CDK14: variants seen among roughly 807,000 people sequenced by gnomAD.
The protein encoded by CDK14 is cyclin-dependent kinase 14.
A neutral mutation model predicts 60.7 loss-of-function variants in CDK14; 34 were observed. The ratio of observed to expected loss-of-function variants is 0.56; its 90% CI spans 0.43 to 0.75. CDK14 has a LOEUF of 0.75. Ranked by LOEUF, CDK14 falls within the 30% of genes least tolerant of loss-of-function variation. The pLI, the probability that CDK14 is intolerant of heterozygous loss-of-function variation, is 0.00. For missense variants in CDK14, 482 were observed against 564.1 expected (o/e 0.85, Z 1.47); for synonymous variants, 197 against 203.7 (o/e 0.97, Z 0.28).
At chr7:90,985,673 G>A (rs1046085246) in intron 10 of CDK14, among the ~76,000 whole-genome samples, 1 of 152,094 alleles carries the variant, frequency 6.6e-6, no homozygotes, top group Non-Finnish European at 1.5e-5. Context: ...CAATAAAATG[G>A]TAAGAAAAGA....
At position 91,078,720 on chromosome 7, in the gene CDK14, A is replaced by G. The variant is rs370109810; in HGVS notation, c.1106-712A>G. On this transcript the variant is annotated intron_variant, in intron 11 of 14. Transcript: ENST00000380050. ...ATTGTAAAATCCGTTCAAAAAATCA[A>G]TGGTATATATGTTCGTACATAAGGA... Among the ~76,000 whole-genome samples the G allele has an allele frequency of 1.1e-4, 16 of 152,348 alleles. 1 individual carries two copies. The highest frequency in any genetic ancestry group is 3.4e-3 in the Middle Eastern group (1 of 294).
chr7:90,762,775 C>T lies in CDK14; in HGVS notation c.464+15000C>T, dbSNP rs574092767. ...CTGAGGCGGGCAGATTACTTGAGAT[C>T]AGGAGTTTGAGACCAGCCTGGGCAA... On this transcript the variant is annotated intron_variant, in intron 4 of 14. Coordinates refer to ENST00000380050, the MANE Select transcript of CDK14 (RefSeq NM_001287135.2). Among the ~76,000 whole-genome samples, 25 of 152,256 alleles carry T rather than the reference C, an allele frequency of 1.6e-4. 1 individual carries two copies. In the East Asian group the frequency reaches 3.9e-3, roughly 24 times the overall value.
intron 2 of CDK14, among the ~76,000 whole-genome samples, chr7:90,613,835 C>T (rs946039461): frequency 1.3e-5 from 2 of 152,164 alleles, no homozygotes; most frequent in East Asian, 3.9e-4. Context: ...GAATTTGAGT[C>T]ATCAATTTAG....
intron 12 of CDK14, among the ~76,000 whole-genome samples, chr7:91,095,299 T>C (rs887503194): frequency 6.6e-6 from 1 of 152,186 alleles, no homozygotes; most frequent in African/African-American, 2.4e-5. Context: ...TGTTGAAGAA[T>C]GAAAGTGCTT....
chr7:90,700,240 T>C (rs1801752678), intron 2 of CDK14, among the ~76,000 whole-genome samples: 1 of 152,126 alleles, frequency 6.6e-6, no homozygotes, highest in African/African-American at 2.4e-5. Context: ...ATTTTAGGCA[T>C]GCACCACCAT....
At chr7:91,110,516 A>T (rs1246342712) in intron 12 of CDK14, among the ~76,000 whole-genome samples, 1 of 152,152 alleles carries the variant, frequency 6.6e-6, no homozygotes, top group Non-Finnish European at 1.5e-5. Context: ...TTTTCAATAG[A>T]TGAGAAAACC....
At chr7:91,166,139 G>A (rs1006494949) in intron 14 of CDK14, among the ~76,000 whole-genome samples, 1 of 152,194 alleles carries the variant, frequency 6.6e-6, no homozygotes, top group African/African-American at 2.4e-5. Flanking sequence ...ACACCCTTAT[G>A]TGTAGAAGGT....
intron 3 of CDK14, among the ~76,000 whole-genome samples, chr7:90,737,727 G>A (rs563124320): frequency 1.3e-5 from 2 of 152,294 alleles, no homozygotes; most frequent in East Asian, 3.9e-4. Context: ...GCCCAGTCAG[G>A]TTTGACTTTA....
At chr7:90,794,796 A>G (rs911148905) in intron 5 of CDK14, among the ~76,000 whole-genome samples, 4 of 152,348 alleles carry the variant, frequency 2.6e-5, no homozygotes, top group Middle Eastern at 6.8e-3. Context: ...AAAGACAGGC[A>G]TAGGAAATCA....
intron 5 of CDK14, among the ~76,000 whole-genome samples, chr7:90,857,712 A>C (rs898587166): frequency 3.9e-5 from 6 of 152,200 alleles, no homozygotes; most frequent in Admixed American, 1.3e-4. Context: ...TGTCTTGATG[A>C]GGGAGACACA....
chr7:90,705,987 C>G (rs1223123434), intron 2 of CDK14, among the ~76,000 whole-genome samples: 1 of 151,990 alleles, frequency 6.6e-6, no homozygotes, highest in Non-Finnish European at 1.5e-5. Context: ...TTAAAAAAGT[C>G]TCATATAAAG....
At chr7:90,877,097 T>C (rs1791587274) in intron 6 of CDK14, among the ~76,000 whole-genome samples, 1 of 152,194 alleles carries the variant, frequency 6.6e-6, no homozygotes, top group Non-Finnish European at 1.5e-5. Context: ...GACACATGTA[T>C]AGATACATAT....
At chr7:91,065,323 G>T (rs1458853056) in intron 11 of CDK14, among the ~76,000 whole-genome samples, 1 of 152,200 alleles carries the variant, frequency 6.6e-6, no homozygotes, top group Non-Finnish European at 1.5e-5. Flanking sequence ...TGCTGGGGCT[G>T]TGTCAAATCT....
intron 8 of CDK14, among the ~76,000 whole-genome samples, chr7:90,946,221 T>G (rs1022047093): frequency 1.3e-5 from 2 of 152,230 alleles, no homozygotes; most frequent in Non-Finnish European, 2.9e-5. Context: ...TGGTATGTAT[T>G]TATTTCATGG....
At chr7:90,951,061 C>T (rs1392054482) in intron 8 of CDK14, among the ~76,000 whole-genome samples, 2 of 152,098 alleles carry the variant, frequency 1.3e-5, no homozygotes, top group African/African-American at 4.8e-5. Context: ...CAGTCTTTGG[C>T]TGTGGAATGG....
intron 14 of CDK14, among the ~76,000 whole-genome samples, chr7:91,189,321 A>G (rs75894188): frequency 0.058 from 8,757 of 152,200 alleles, 385 homozygotes; most frequent in Admixed American, 0.14. Context: ...TCTTCATCAC[A>G]TTTAGTGTGT....
rs867930877 is a variant in CDK14 at position 90,817,946 on chromosome 7, A to G, written c.544+27294A>G. ...ACCATCTACCCTTTCTAACCAGCAG[A>G]CTGTAAGCCCACAGAATTGATTACC... On this transcript the variant is annotated intron_variant, in intron 5 of 14. Transcript: ENST00000380050. Among the ~76,000 whole-genome samples, 4 of 152,148 alleles carry G rather than the reference A, an allele frequency of 2.6e-5. No individual in the cohort carries two copies. The South Asian group carries it at 8.3e-4, about 32-fold the overall frequency.
At chr7:90,600,469 G>A (rs1799292078) in intron 1 of CDK14, among the ~76,000 whole-genome samples, 2 of 152,164 alleles carry the variant, frequency 1.3e-5, no homozygotes, top group Non-Finnish European at 2.9e-5. Context: ...GAGAAAGGAA[G>A]TTTATACTCT....
At chr7:90,680,625 A>G (rs1160233262) in intron 2 of CDK14, among the ~76,000 whole-genome samples, 1 of 152,222 alleles carries the variant, frequency 6.6e-6, no homozygotes, top group Non-Finnish European at 1.5e-5. Context: ...TTCATAACTT[A>G]AGGCAGTGAA....
Sources: allele counts gnomAD v4.1 joint callset (sites outside exome capture counted in the v4.1 genomes callset), GRCh38; gene constraint gnomAD v4.1.1; transcripts MANE v1.5; gene names NCBI Gene and HGNC (gene_info 2026-07-23, HGNC 2026-07-21).